Variants in LPL observed in about 807,000 individuals in gnomAD.
The protein encoded by LPL is lipoprotein lipase.
Under a neutral mutation model 52.2 loss-of-function variants are expected in LPL, and 43 were observed. That is an observed-to-expected ratio of 0.82 (90% CI 0.64 to 1.06). The LOEUF is 1.06. Ranked by LOEUF, LPL falls within the 50% of genes least tolerant of loss-of-function variation. The pLI is 0.00. For missense variants in LPL, 639 were observed against 585.3 expected (o/e 1.09, Z -0.95); for synonymous variants, 244 against 215.6 (o/e 1.13, Z -1.15).
At chr8:19,955,814 C>T (rs1403314234) in intron 5 of LPL, 27 bp from the exon 6 acceptor site, 10 of 1,614,094 alleles carry the variant, frequency 6.2e-6, no homozygotes, top group Non-Finnish European at 7.6e-6. Flanking sequence ...TGCCGAGATA[C>T]AATCTTGGTG....
In LPL at chr8:19,948,288, C is replaced by A; in HGVS notation, c.197C>A (p.Thr66Asn). 1 of 1,614,118 alleles carries A rather than the reference C, an allele frequency of 6.2e-7. No individual in the cohort carries two copies. The highest frequency in any genetic ancestry group is 8.5e-7 in the Non-Finnish European group (1 of 1,180,028). The change falls in exon 2 of 10, where the codon ACC becomes AAC. Residue 66 changes from threonine (T) to asparagine (N), a missense_variant. Thr to Asn is a moderately conservative substitution (Grantham distance 65, BLOSUM62 0). Coordinates refer to ENST00000650287, the MANE Select transcript of LPL (RefSeq NM_000237.3). ...LIPGVAESVA[T>N]CHFNHSSKTF... ...CCCGGAGTAGCAGAGTCCGTGGCTA[C>A]CTGTCATTTCAATCACAGCAGCAAA...
At chr8:19,945,229 A>T (rs527522121) in intron 1 of LPL, among the ~76,000 whole-genome samples, 2 of 152,160 alleles carry the variant, frequency 1.3e-5, no homozygotes, top group East Asian at 3.8e-4. Context: ...TGACTGCCCC[A>T]CAGCCACATG....
intron 1 of LPL, chr8:19,946,566 A>G (rs1273601166): frequency 9.6e-6 from 3 of 313,744 alleles, no homozygotes; most frequent in Non-Finnish European, 1.9e-5. Flanking sequence ...CAGATTTTTA[A>G]ATTTTGAGTT....
chr8:19,939,308 C>G lies in LPL; in HGVS notation c.-133C>G, dbSNP rs1167406908. The G allele has an allele frequency of 6.7e-6, 5 of 743,298 alleles. No homozygotes were observed. In the Admixed American group the frequency reaches 8.9e-5, roughly 13 times the overall value. The allele number at this position is 743,298 out of a possible 1,614,324, so 46.0% of individuals were successfully genotyped here. On this transcript the variant is annotated 5_prime_UTR_variant, in exon 1 of 10. Transcript: ENST00000650287. This position sits in a 1 kb window ranked among gnomAD's most constrained non-coding sequence, Gnocchi z 4.0. ...TCAAGGGAAAGCTGCCCACTTCTAG[C>G]TGCCCTGCCATCCCCTTTAAAGGGC... is the stretch of plus-strand genomic sequence containing the variant.
chr8:19,952,866 C>G (rs1356779034), intron 3 of LPL, among the ~76,000 whole-genome samples: 1 of 152,090 alleles, frequency 6.6e-6, no homozygotes, highest in East Asian at 1.9e-4. Flanking sequence ...AAAATATATA[C>G]CCATATACTA....
chr8:19,939,377 C>CCGG lies in LPL; in HGVS notation c.-62_-60dup. ...CCGCGGCTCCAGCCCTCTCCAGCCT[C>CCGG]CGGCTCAGCCGGCTCATCAGTCGGT... On this transcript the variant is annotated 5_prime_UTR_variant, in exon 1 of 10. Transcript: ENST00000650287. This position sits in a 1 kb window ranked among gnomAD's most constrained non-coding sequence, Gnocchi z 4.0. 6.6e-7 allele frequency: 1 copy of CCGG among 1,514,252 alleles called. No homozygotes were observed. Among genetic ancestry groups the CCGG allele is most frequent in the South Asian group, 1.2e-5 (1 of 83,782 alleles). The allele number at this position is 1,514,252 out of a possible 1,614,324, so 93.8% of individuals were successfully genotyped here. A position where few individuals can be genotyped will look rare whatever the true frequency, so the allele number is the denominator to read the frequency against.
At chr8:19,948,116 T>C (rs2069899177) in intron 1 of LPL, 64 bp from the exon 2 acceptor site, 9 of 1,542,202 alleles carry the variant, frequency 5.8e-6, no homozygotes, top group Non-Finnish European at 8.1e-6. Flanking sequence ...CTAAAACATA[T>C]CATTCCAATG....
chr8:19,959,926 C>T (rs1363865239), intron 7 of LPL, among the ~76,000 whole-genome samples: 1 of 151,500 alleles, frequency 6.6e-6, no homozygotes, highest in East Asian at 1.9e-4. Flanking sequence ...GTAGCTGGGG[C>T]TGCAGGTGCC....
Position 19,960,901 on chromosome 8 carries a change from G to A in LPL, c.1140G>A (p.Leu380=). The change falls in exon 8 of 10, where the codon CTG becomes CTA. Residue 380 remains leucine, a splice_region_variant and synonymous_variant. Transcript: ENST00000650287. Reference sequence around the variant, plus strand: ...CCAAATTTATTGCTTTTTTGTTTAGGCCTGAAGTTTCCACAAATAAGACCT... The same window carrying A: ...CCAAATTTATTGCTTTTTTGTTTAGACCTGAAGTTTCCACAAATAAGACCT... ...VAESENIPFT[L]PEVSTNKTYS... 1.2e-6 allele frequency: 2 copies of A among 1,612,992 alleles called. No individual in the cohort carries two copies. Among genetic ancestry groups the A allele is most frequent in the Non-Finnish European group, 1.7e-6 (2 of 1,179,468 alleles).
At chr8:19,943,487 A>G (rs1431220267) in intron 1 of LPL, among the ~76,000 whole-genome samples, 1 of 152,244 alleles carries the variant, frequency 6.6e-6, no homozygotes, top group Admixed American at 6.5e-5. Context: ...CTCCAATAAA[A>G]CAATTGTTGG....
At position 19,955,961 on chromosome 8, in the gene LPL, A is replaced by C. The variant is rs1180717998; in HGVS notation, c.896A>C (p.Lys299Thr). The C allele has an allele frequency of 6.2e-7, 1 of 1,614,116 alleles. No homozygotes were observed. Among genetic ancestry groups the C allele is most frequent in the Admixed American group, 1.7e-5 (1 of 60,032 alleles). Reference protein sequence around the residue: ...YRCSSKEAFEKGLCLSCRKNR... With the variant: ...YRCSSKEAFETGLCLSCRKNR... Reference sequence around the variant, plus strand: ...TGCAGTTCCAAGGAAGCCTTTGAGAAAGGGCTCTGCTTGAGTTGTAGAAAG... The same window carrying C: ...TGCAGTTCCAAGGAAGCCTTTGAGACAGGGCTCTGCTTGAGTTGTAGAAAG... Residue 299 changes from lysine (K) to threonine (T), a missense_variant, in exon 6 of 10, where the codon AAA becomes ACA. Transcript: ENST00000650287.
At chr8:19,952,917 T>A (rs1038369736) in intron 3 of LPL, among the ~76,000 whole-genome samples, 12 of 152,222 alleles carry the variant, frequency 7.9e-5, no homozygotes, top group African/African-American at 2.9e-4. Flanking sequence ...TGCATGCATA[T>A]AAATGTATAC....
At chr8:19,942,808 C>G (rs765857676) in intron 1 of LPL, among the ~76,000 whole-genome samples, 2 of 152,158 alleles carry the variant, frequency 1.3e-5, no homozygotes, top group African/African-American at 4.8e-5. Context: ...TGCACTGACA[C>G]CATTTGCGTA....
At chr8:19,948,038 G>A in intron 1 of LPL, 142 bp from the exon 2 acceptor site, 1 of 797,928 alleles carries the variant, frequency 1.3e-6, no homozygotes, top group Non-Finnish European at 2.2e-6. Context: ...TTGTTCTCTT[G>A]CAATCCACAT....
intron 8 of LPL, among the ~76,000 whole-genome samples, 190 bp downstream of exon 8, chr8:19,961,273 T>G (rs533567223): frequency 6.7e-6 from 1 of 149,888 alleles, no homozygotes; most frequent in African/African-American, 2.5e-5. Context: ...GGGGGGGAAG[T>G]GACAGTATTT....
chr8:19,965,373 A>G lies in LPL; in HGVS notation c.*63A>G, dbSNP rs538189911. On this transcript the variant is annotated 3_prime_UTR_variant, in exon 10 of 10. Coordinates refer to ENST00000650287, the MANE Select transcript of LPL (RefSeq NM_000237.3). Reference sequence around the variant, plus strand: ...ATTCTGTGAAGAATGAAGTGGAGGAAGTAACTTTTACAAAACATACCCAGT... The same window carrying G: ...ATTCTGTGAAGAATGAAGTGGAGGAGGTAACTTTTACAAAACATACCCAGT... The G allele has an allele frequency of 1.5e-5, 12 of 780,012 alleles. No homozygotes were observed. The East Asian group carries it at 2.4e-4, about 16-fold the overall frequency. The allele number at this position is 780,012 out of a possible 1,614,324, so 48.3% of individuals were successfully genotyped here.
chr8:19,963,641 C>T (rs144018023), intron 9 of LPL, among the ~76,000 whole-genome samples: 103 of 152,128 alleles, frequency 6.8e-4, no homozygotes, highest in African/African-American at 2.1e-3. Context: ...TATATTCTTT[C>T]GGACTTTATA....
At chr8:19,957,874 A>G (rs2070000968) in intron 6 of LPL, among the ~76,000 whole-genome samples, 1 of 152,154 alleles carries the variant, frequency 6.6e-6, no homozygotes, top group African/African-American at 2.4e-5. Flanking sequence ...CATCAGTCTT[A>G]AGAGATCTGT....
At chr8:19,964,151 C>T (rs909462330) in intron 9 of LPL, among the ~76,000 whole-genome samples, 2 of 152,078 alleles carry the variant, frequency 1.3e-5, no homozygotes, top group Non-Finnish European at 2.9e-5. Context: ...AGGGTTTCAC[C>T]ATGTTGGTCA....
Sources: allele counts gnomAD v4.1 joint callset (sites outside exome capture counted in the v4.1 genomes callset), GRCh38; gene constraint gnomAD v4.1.1; non-coding constraint Gnocchi (gnomAD v3.1); transcripts MANE v1.5; gene names NCBI Gene and HGNC (gene_info 2026-07-23, HGNC 2026-07-21).